Variants in AUH observed in about 807,000 individuals in gnomAD.
AUH encodes methylglutaconyl-CoA hydratase, mitochondrial.
Under a neutral mutation model 42.3 loss-of-function variants are expected in AUH, and 29 were observed. The observed-to-expected ratio is 0.69, with a 90% confidence interval of 0.51 to 0.93. AUH has a LOEUF of 0.93. Ranked by LOEUF, AUH falls within the 40% of genes least tolerant of loss-of-function variation. AUH has a pLI of 0.00. For synonymous variants in AUH, 174 were observed against 166.4 expected (o/e 1.05, Z -0.35); for missense variants, 452 against 438.1 (o/e 1.03, Z -0.28).
chr9:91,246,749 A>T (rs1401804311), intron 6 of AUH, among the ~76,000 whole-genome samples: 1 of 152,274 alleles, frequency 6.6e-6, no homozygotes, highest in Admixed American at 6.5e-5. Context: ...AAACGTTAAG[A>T]GAATAGGCAT....
intron 6 of AUH, among the ~76,000 whole-genome samples, chr9:91,294,136 T>C (rs1827128631): frequency 6.6e-6 from 1 of 152,252 alleles, no homozygotes; most frequent in Non-Finnish European, 1.5e-5. Context: ...GACAATGTCC[T>C]GGTTACCCAA....
intron 6 of AUH, among the ~76,000 whole-genome samples, chr9:91,259,741 T>A (rs924684986): frequency 6.6e-6 from 1 of 152,180 alleles, no homozygotes; most frequent in Non-Finnish European, 1.5e-5. Context: ...AGATTTTAAA[T>A]ATGTCTTTCG....
At chr9:91,247,100 AC>A (rs1456212548) in intron 6 of AUH, among the ~76,000 whole-genome samples, 1 of 152,158 alleles carries the variant, frequency 6.6e-6, no homozygotes, top group Admixed American at 6.5e-5. Context: ...CACTGCTGCA[AC>A]AGCTCAGCCA....
chr9:91,281,322 GTTT>G (rs10566158), intron 6 of AUH, among the ~76,000 whole-genome samples: 1 of 152,012 alleles, frequency 6.6e-6, no homozygotes, highest in Non-Finnish European at 1.5e-5. Context: ...CATCCAGTTT[GTTT>G]TTTATTTTGG....
chr9:91,331,214 A>G (rs1012689106), intron 3 of AUH, among the ~76,000 whole-genome samples: 2 of 152,216 alleles, frequency 1.3e-5, no homozygotes, highest in Non-Finnish European at 2.9e-5. Context: ...ATAGAAGGGG[A>G]TAAATGTTTT....
In AUH at chr9:91,214,931, C is replaced by A. The variant is rs116906154; in HGVS notation, c.943-506G>T. Among the ~76,000 whole-genome samples, 224 of 152,226 alleles carry A rather than the reference C, an allele frequency of 1.5e-3. 2 individuals are homozygous for A. The East Asian group carries it at 0.042, about 29-fold the overall frequency. ...TACCTTGAATAATTTCTGGTGTTTA[C>A]ATTTAGTAAGTTGTAATTTATGGCC... On this transcript the variant is annotated intron_variant, in intron 9 of 9. Transcript: ENST00000375731.
chr9:91,288,051 A>C (rs999201536), intron 6 of AUH, among the ~76,000 whole-genome samples: 2 of 152,030 alleles, frequency 1.3e-5, no homozygotes, highest in African/African-American at 4.8e-5. Context: ...TCCCCCCAGA[A>C]GCTGGGGGGA....
chr9:91,232,163 T>C (rs941200935), intron 6 of AUH, among the ~76,000 whole-genome samples: 10 of 152,088 alleles, frequency 6.6e-5, no homozygotes, highest in African/African-American at 2.2e-4. Context: ...GGCAGGGGGA[T>C]AGCTTGAGCC....
At chr9:91,331,815 C>A (rs575416234) in intron 3 of AUH, among the ~76,000 whole-genome samples, 1 of 152,262 alleles carries the variant, frequency 6.6e-6, no homozygotes, top group East Asian at 1.9e-4. Flanking sequence ...GGAAAACACA[C>A]TATTCTCTGT....
chr9:91,253,241 C>A (rs1829231759), intron 6 of AUH, among the ~76,000 whole-genome samples: 1 of 152,090 alleles, frequency 6.6e-6, no homozygotes, highest in Admixed American at 6.5e-5. Flanking sequence ...TTAATAGATG[C>A]ACAGATTAGG....
At chr9:91,344,463 T>A (rs1244127285) in intron 3 of AUH, among the ~76,000 whole-genome samples, 1 of 152,146 alleles carries the variant, frequency 6.6e-6, no homozygotes, top group East Asian at 1.9e-4. Flanking sequence ...ATTCTCATGA[T>A]CTCCTGGGGC....
chr9:91,314,490 GAA>G (rs200673346), intron 4 of AUH, among the ~76,000 whole-genome samples: 2 of 85,558 alleles, frequency 2.3e-5, no homozygotes, highest in African/African-American at 4.1e-5. Flanking sequence ...CTCAAAGAAG[GAA>G]AAAAAAAAAA....
chr9:91,268,868 T>C (rs1056065465), intron 6 of AUH, among the ~76,000 whole-genome samples: 4 of 152,236 alleles, frequency 2.6e-5, no homozygotes, highest in African/African-American at 9.6e-5. Context: ...AGGATATGCA[T>C]AATACAATAT....
chr9:91,229,583 T>C (rs1385646446), intron 6 of AUH, among the ~76,000 whole-genome samples: 10 of 151,630 alleles, frequency 6.6e-5, no homozygotes, highest in Non-Finnish European at 1.3e-4. Flanking sequence ...ATGTGTGAAT[T>C]TGATCCTGTC....
At chr9:91,240,798 G>T (rs1828470337) in intron 6 of AUH, among the ~76,000 whole-genome samples, 1 of 151,432 alleles carries the variant, frequency 6.6e-6, no homozygotes, top group African/African-American at 2.4e-5. Flanking sequence ...GCTCCCTTTT[G>T]GTGGTAACAC....
intron 4 of AUH, chr9:91,306,475 G>T: frequency 1.3e-6 from 1 of 748,270 alleles, no homozygotes; most frequent in Non-Finnish European, 1.6e-6. Context: ...ACTTTCACTT[G>T]GCAGGAAAAA....
At chr9:91,306,759 A>G (rs1210803953) in intron 4 of AUH, among the ~76,000 whole-genome samples, 1 of 152,244 alleles carries the variant, frequency 6.6e-6, no homozygotes, top group Non-Finnish European at 1.5e-5. Context: ...TCCATAGGAT[A>G]ATATGCTGAT....
intron 4 of AUH, among the ~76,000 whole-genome samples, chr9:91,318,325 T>C (rs1045805085): frequency 2.6e-5 from 4 of 152,206 alleles, no homozygotes; most frequent in Non-Finnish European, 5.9e-5. Flanking sequence ...TTTAGAAATT[T>C]TTTTTCCTTT....
intron 3 of AUH, 124 bp from the exon 4 acceptor site, chr9:91,325,528 T>A (rs1341646678): frequency 5.2e-6 from 4 of 774,888 alleles, no homozygotes; most frequent in Non-Finnish European, 8.9e-6. Context: ...TTTAATAGAA[T>A]GACATTACCT....
Sources: gnomAD v4.1 joint callset for allele counts (sites outside exome capture counted in the v4.1 genomes callset) on GRCh38, gnomAD v4.1.1 for gene constraint, MANE v1.5 for transcripts, NCBI Gene and HGNC (gene_info 2026-07-23, HGNC 2026-07-21) for gene names.